MYO5C: variants seen among roughly 807,000 people sequenced by gnomAD.
MYO5C encodes the protein myosin VC.
Under a neutral mutation model 235.7 loss-of-function variants are expected in MYO5C, and 194 were observed. The observed-to-expected ratio is 0.82, with a 90% CI of 0.73 to 0.93. The LOEUF is 0.93. Among genes scored for constraint, MYO5C ranks in the 40% least tolerant of loss-of-function variants. MYO5C has a pLI of 0.00. For synonymous variants in MYO5C, 707 were observed against 754.8 expected, an observed-to-expected ratio of 0.94 and a Z score of 1.04; for missense variants, 2,038 against 2,127.2, an observed-to-expected ratio of 0.96 and a Z score of 0.82.
At chr15:52,198,230 G>A (rs2141256800) in intron 38 of MYO5C, among the ~76,000 whole-genome samples, 1 of 152,240 alleles carries the variant, frequency 6.6e-6, no homozygotes, top group South Asian at 2.1e-4. Context: ...AGCTACTCGG[G>A]AGGCTGAGAC....
chr15:52,195,625 G>C (rs1159481183), intron 39 of MYO5C, among the ~76,000 whole-genome samples, 168 bp from the exon 40 acceptor site: 1 of 152,100 alleles, frequency 6.6e-6, no homozygotes, highest in Non-Finnish European at 1.5e-5. Flanking sequence ...AAAACAAGGG[G>C]AGAAAAGTGC....
chr15:52,198,957 G>C (rs568659578), intron 38 of MYO5C, among the ~76,000 whole-genome samples: 8 of 151,770 alleles, frequency 5.3e-5, no homozygotes, highest in Admixed American at 4.6e-4. Flanking sequence ...GCAGTGGCAC[G>C]ATCTCGGTTC....
chr15:52,274,607 T>C (rs2036998089), intron 5 of MYO5C, among the ~76,000 whole-genome samples: 1 of 152,094 alleles, frequency 6.6e-6, no homozygotes, highest in Non-Finnish European at 1.5e-5. Context: ...TATCTTGGAT[T>C]GTAATTTATG....
rs1476016107 is a variant in MYO5C, at chr15:52,286,122, G to A, written c.28-3230C>T. 2.7e-5 allele frequency among the ~76,000 whole-genome samples: 4 copies of A among 145,552 alleles called. No homozygotes were observed. The East Asian group carries it at 8.6e-4, about 31-fold the overall frequency. ...TGAGGAGCCCCTCCGCCCGGCAGCC[G>A]CACCCTCTGAGAAGTGAGGAGTCCC... On this transcript the variant is annotated intron_variant, in intron 1 of 40. Transcript: ENST00000261839.
Position 52,264,214 on chromosome 15 carries a change from C to G in MYO5C, c.1023G>C (p.Val341=). The G allele has an allele frequency of 6.2e-7, 1 of 1,613,738 alleles. No homozygotes were observed. Among genetic ancestry groups the G allele is most frequent in the Non-Finnish European group, 8.5e-7 (1 of 1,179,704 alleles). Residue 341 remains valine (V), a synonymous_variant, in exon 9 of 41, where the codon GTG becomes GTC. Transcript: ENST00000261839. ...CACTAACTGAGGACCTCTCGTTGCC[C>G]ACCGCGGTGATCTGCACATTGCCCA... ...LHLGNVQITA[V]GNERSSVSED...
Position 52,211,868 on chromosome 15 carries a change from G to A in MYO5C, c.4158C>T (p.Gly1386=), listed in dbSNP as rs765445101. 14 of 1,613,836 alleles carry A rather than the reference G, an allele frequency of 8.7e-6. No individual in the cohort carries two copies. The highest frequency in any genetic ancestry group is 1.7e-5 in the Admixed American group (1 of 60,002). Reference sequence around the variant, plus strand: ...GCCCGGGGATCATGTTCACCACCACGCCACGGGGCTTCAAGTCTGAAGCAG... The same window carrying A: ...GCCCGGGGATCATGTTCACCACCACACCACGGGGCTTCAAGTCTGAAGCAG... ...QNLILDLKPR[G]VVVNMIPGLP... Residue 1386 remains glycine (G), a synonymous_variant, in exon 35 of 41, where the codon GGC becomes GGT. Transcript: ENST00000261839.
At chr15:52,267,009 G>A (rs2036828187) in intron 8 of MYO5C, among the ~76,000 whole-genome samples, 1 of 152,216 alleles carries the variant, frequency 6.6e-6, no homozygotes, top group Non-Finnish European at 1.5e-5. Context: ...CTAAGTCTGT[G>A]CACAGGCTAA....
chr15:52,258,491 T>C (rs1371693810), intron 10 of MYO5C, among the ~76,000 whole-genome samples: 2 of 152,196 alleles, frequency 1.3e-5, no homozygotes, highest in Non-Finnish European at 2.9e-5. Context: ...CCAGCCTTCA[T>C]TCACTCTCAG....
At chr15:52,243,817 C>T (rs908542733) in intron 19 of MYO5C, among the ~76,000 whole-genome samples, 1 of 152,210 alleles carries the variant, frequency 6.6e-6, no homozygotes, top group Non-Finnish European at 1.5e-5. Flanking sequence ...GTAGGATCAG[C>T]GCAGCTGGTG....
At chr15:52,219,683 C>A in intron 31 of MYO5C, 76 bp downstream of exon 31, 1 of 1,173,438 alleles carries the variant, frequency 8.5e-7, no homozygotes. Flanking sequence ...ATTAGTAACA[C>A]ATCTTGGTAT....
intron 18 of MYO5C, among the ~76,000 whole-genome samples, chr15:52,244,877 G>A (rs1471094917): frequency 6.6e-6 from 1 of 152,234 alleles, no homozygotes; most frequent in Non-Finnish European, 1.5e-5. Context: ...CTCCACATTG[G>A]AGTAGAAGAA....
intron 27 of MYO5C, 42 bp from the exon 28 acceptor site, chr15:52,225,023 C>T (rs772853511): frequency 2.3e-5 from 37 of 1,612,880 alleles, no homozygotes; most frequent in East Asian, 2.0e-4. Context: ...ATCTCTGTCA[C>T]GTTTTACATG....
intron 1 of MYO5C, among the ~76,000 whole-genome samples, chr15:52,288,581 T>C (rs1174944035): frequency 6.6e-6 from 1 of 152,230 alleles, no homozygotes; most frequent in Non-Finnish European, 1.5e-5. Context: ...CATTCATTCC[T>C]GTCCCCTCCT....
intron 1 of MYO5C, among the ~76,000 whole-genome samples, chr15:52,283,856 G>A (rs901964427): frequency 5.9e-5 from 9 of 151,700 alleles, no homozygotes; most frequent in Non-Finnish European, 1.3e-4. Flanking sequence ...TGTATTTTTA[G>A]TAGAGTCAGG....
chr15:52,282,698 C>T (rs137999270), intron 2 of MYO5C, 84 bp downstream of exon 2: 48 of 968,070 alleles, frequency 5.0e-5, no homozygotes, highest in African/African-American at 4.8e-4. Context: ...GTGCCTCCCA[C>T]GGGGTCCACG....
At chr15:52,211,969 T>G in intron 34 of MYO5C, 85 bp from the exon 35 acceptor site, 1 of 1,450,550 alleles carries the variant, frequency 6.9e-7, no homozygotes, top group Non-Finnish European at 9.3e-7. Flanking sequence ...AGGGGCTTGT[T>G]TGCTTTTCTG....
intron 4 of MYO5C, among the ~76,000 whole-genome samples, chr15:52,276,408 C>T (rs1411935364): frequency 2.6e-5 from 4 of 152,214 alleles, no homozygotes; most frequent in African/African-American, 7.2e-5. Context: ...AATTTGACAG[C>T]ACATGTGAAA....
At position 52,205,895 on chromosome 15, in the gene MYO5C, T is replaced by C; in HGVS notation, c.4458A>G (p.Arg1486=). Residue 1486 remains arginine (R), a synonymous_variant, in exon 37 of 41, where the codon AGA becomes AGG. Coordinates refer to ENST00000261839, the MANE Select transcript of MYO5C (RefSeq NM_018728.4). ...GTATAGCCACATCACTGAGAATCTG[T>C]CTGTATTCTGAAAGGTCAAAATTGT... ...CLNNFDLSEY[R]QILSDVAIRI... The C allele has an allele frequency of 6.3e-7, 1 of 1,599,276 alleles. No homozygotes were observed. The highest frequency in any genetic ancestry group is 8.5e-7 in the Non-Finnish European group (1 of 1,170,730).
chr15:52,249,593 A>G (rs1425629392), intron 13 of MYO5C, among the ~76,000 whole-genome samples: 2 of 152,178 alleles, frequency 1.3e-5, no homozygotes, highest in Non-Finnish European at 1.5e-5. Context: ...CCTTGCCGGT[A>G]GGTAGGTTAA....
Sources: gnomAD v4.1 joint callset for allele counts (sites outside exome capture counted in the v4.1 genomes callset) on GRCh38, gnomAD v4.1.1 for gene constraint, MANE v1.5 for transcripts, NCBI Gene and HGNC (gene_info 2026-07-23, HGNC 2026-07-21) for gene names.